CCDC25: variants seen among roughly 807,000 people sequenced by gnomAD.
The protein encoded by CCDC25 is coiled-coil domain containing 25.
In CCDC25, 16 loss-of-function variants were observed where a neutral mutation model predicts 35.3. The ratio of observed to expected loss-of-function variants is 0.45; its 90% CI spans 0.31 to 0.69. The LOEUF (loss-of-function observed/expected upper bound fraction) is 0.69, where lower values mean the gene tolerates loss of function less well. Ranked by LOEUF, CCDC25 falls within the 30% of genes least tolerant of loss-of-function variation. The pLI is 0.06. For missense variants in CCDC25, 179 were observed against 250.7 expected (o/e 0.71, Z 1.93); for synonymous variants, 79 against 80.3 (o/e 0.98, Z 0.09).
intron 7 of CCDC25, among the ~76,000 whole-genome samples, chr8:27,744,441 T>A (rs2128937701): frequency 6.6e-6 from 1 of 152,278 alleles, no homozygotes; most frequent in East Asian, 1.9e-4. Flanking sequence ...CAGCATTATT[T>A]ACAGTAGAAG....
intron 5 of CCDC25, among the ~76,000 whole-genome samples, chr8:27,750,025 A>C (rs1803739834): frequency 1.3e-5 from 2 of 152,244 alleles, no homozygotes; most frequent in South Asian, 4.1e-4. Flanking sequence ...TTCTTTAGAA[A>C]ATCTCCATGT....
intron 5 of CCDC25, among the ~76,000 whole-genome samples, chr8:27,750,741 A>G (rs1803771058): frequency 6.6e-6 from 1 of 152,230 alleles, no homozygotes; most frequent in African/African-American, 2.4e-5. Flanking sequence ...CTAAACTTCT[A>G]AAAGTTTAAT....
intron 5 of CCDC25, among the ~76,000 whole-genome samples, chr8:27,750,716 G>C (rs894788834): frequency 2.6e-5 from 4 of 152,232 alleles, no homozygotes; most frequent in Non-Finnish European, 5.9e-5. Flanking sequence ...AGGCCGAGGA[G>C]AGTCAAGACA....
At chr8:27,743,591 C>T (rs746337858) in intron 7 of CCDC25, among the ~76,000 whole-genome samples, 7 of 152,208 alleles carry the variant, frequency 4.6e-5, no homozygotes, top group Non-Finnish European at 7.3e-5. Context: ...TTGATCTTGG[C>T]TTCAAGACCA....
At chr8:27,769,158 C>G (rs937048746) in intron 1 of CCDC25, among the ~76,000 whole-genome samples, 1 of 152,188 alleles carries the variant, frequency 6.6e-6, no homozygotes, top group African/African-American at 2.4e-5. Flanking sequence ...TATGTAAAGT[C>G]TCATTACTAT....
intron 7 of CCDC25, among the ~76,000 whole-genome samples, chr8:27,741,796 G>A (rs1434122682): frequency 6.6e-6 from 1 of 152,136 alleles, no homozygotes; most frequent in Non-Finnish European, 1.5e-5. Flanking sequence ...AGACAAGAAG[G>A]TCCATTCACA....
intron 4 of CCDC25, 186 bp from the exon 5 acceptor site, chr8:27,752,773 G>T: frequency 3.2e-6 from 1 of 310,344 alleles, no homozygotes; most frequent in Non-Finnish European, 5.8e-6. Flanking sequence ...TTTAAAATAA[G>T]AGAAGGCTGT....
At chr8:27,745,617 A>G (rs1803576927) in intron 7 of CCDC25, among the ~76,000 whole-genome samples, 1 of 152,264 alleles carries the variant, frequency 6.6e-6, no homozygotes, top group Non-Finnish European at 1.5e-5. Context: ...AAAACACATT[A>G]CAAAACAAGT....
intron 3 of CCDC25, among the ~76,000 whole-genome samples, chr8:27,760,494 T>G (rs576743678): frequency 6.6e-6 from 1 of 152,338 alleles, no homozygotes; most frequent in South Asian, 2.1e-4. Context: ...AACCATGATG[T>G]GGCCATTGTA....
chr8:27,736,064 A>AT lies in CCDC25; in HGVS notation c.*151dup. The AT allele has an allele frequency of 2.9e-6, 2 of 679,910 alleles. No homozygotes were observed. Among genetic ancestry groups the AT allele is most frequent in the Non-Finnish European group, 4.8e-6 (2 of 416,458 alleles). 42.1% of individuals were successfully genotyped at this position (679,910 alleles called of 1,614,324 possible). A position where few individuals can be genotyped will look rare whatever the true frequency, so the allele number is the denominator to read the frequency against. On this transcript the variant is annotated 3_prime_UTR_variant, in exon 9 of 9. Transcript: ENST00000356537. ...CTTTTCTGTCAGCAAAAAAGGTACA[A>AT]TTTTTTTAAAACTTGAAAATCAATA...
Position 27,762,325 on chromosome 8 carries a change from C to T in CCDC25, c.116+94G>A, listed in dbSNP as rs1585371143. On this transcript the variant is annotated intron_variant, in intron 3 of 8. Transcript: ENST00000356537. ...TGTTTAACCCTGAAGACCCATAAAC[C>T]ACAGTACAAAGCATGATTCTAGTTT... 4.6e-6 allele frequency: 5 copies of T among 1,096,826 alleles called. No individual in the cohort carries two copies. The South Asian group carries it at 6.4e-5, about 14-fold the overall frequency. The allele number at this position is 1,096,826 out of a possible 1,614,324, so 67.9% of individuals were successfully genotyped here.
chr8:27,746,461 G>A (rs938496181), intron 7 of CCDC25, among the ~76,000 whole-genome samples: 2 of 152,122 alleles, frequency 1.3e-5, no homozygotes, highest in Non-Finnish European at 2.9e-5. Flanking sequence ...AGTAAATTAG[G>A]TGATCTTATG....
In CCDC25 at chr8:27,750,692, G is replaced by A. The variant is rs1212729048; in HGVS notation, c.244+1820C>T. ...GCTTAAATGCTGGTTTCAGAAGTCC[G>A]GACTGAACAGTTTAGGCCGAGGAGA... On this transcript the variant is annotated intron_variant, in intron 5 of 8. Coordinates refer to ENST00000356537, the MANE Select transcript of CCDC25 (RefSeq NM_018246.3). Among the ~76,000 whole-genome samples, 4 of 152,146 alleles carry A rather than the reference G, an allele frequency of 2.6e-5. No individual in the cohort carries two copies. In the East Asian group the frequency reaches 7.7e-4, roughly 29 times the overall value.
intron 1 of CCDC25, among the ~76,000 whole-genome samples, 195 bp downstream of exon 1, chr8:27,772,318 A>C (rs540323710): frequency 3.9e-5 from 6 of 152,334 alleles, no homozygotes; most frequent in Non-Finnish European, 7.3e-5. Context: ...CCCCCACGCC[A>C]TGACGAGGGG....
intron 3 of CCDC25, among the ~76,000 whole-genome samples, chr8:27,759,544 G>A (rs1183961205): frequency 1.3e-5 from 2 of 151,308 alleles, no homozygotes; most frequent in Admixed American, 6.6e-5. Context: ...GGGAGGTGGA[G>A]GTTACATTGG....
intron 7 of CCDC25, among the ~76,000 whole-genome samples, chr8:27,747,201 G>C (rs1277847095): frequency 2.0e-5 from 3 of 152,192 alleles, no homozygotes; most frequent in Non-Finnish European, 4.4e-5. Flanking sequence ...AGACTTTGCA[G>C]ATGTCATTAG....
intron 3 of CCDC25, among the ~76,000 whole-genome samples, chr8:27,757,566 T>G (rs1437160651): frequency 6.6e-6 from 1 of 152,206 alleles, no homozygotes; most frequent in African/African-American, 2.4e-5. Context: ...TCTATCAATT[T>G]AATTAAACCT....
At chr8:27,751,551 T>C (rs1302291034) in intron 5 of CCDC25, among the ~76,000 whole-genome samples, 1 of 152,196 alleles carries the variant, frequency 6.6e-6, no homozygotes, top group Non-Finnish European at 1.5e-5. Flanking sequence ...TCCTGGTACC[T>C]GTTATCAGCT....
At chr8:27,767,016 G>C (rs1804424334) in intron 1 of CCDC25, among the ~76,000 whole-genome samples, 2 of 152,094 alleles carry the variant, frequency 1.3e-5, no homozygotes, top group South Asian at 2.1e-4. Flanking sequence ...CAGTTACCTT[G>C]GTTAGCCTGC....
Sources: allele counts gnomAD v4.1 joint callset (sites outside exome capture counted in the v4.1 genomes callset), GRCh38; gene constraint gnomAD v4.1.1; transcripts MANE v1.5; gene names NCBI Gene and HGNC (gene_info 2026-07-23, HGNC 2026-07-21).